Variants in SGCZ observed in about 807,000 individuals in gnomAD.
The protein encoded by SGCZ is sarcoglycan zeta, also known as zeta-sarcoglycan.
Under a neutral mutation model 41.3 loss-of-function variants are expected in SGCZ, and 40 were observed. The observed-to-expected ratio is 0.97, with a 90% confidence interval of 0.75 to 1.26. The LOEUF (loss-of-function observed/expected upper bound fraction) is 1.26, where lower values mean the gene tolerates loss of function less well. SGCZ is among the 50% of genes most tolerant of loss of function. The pLI is 0.00. For synonymous variants in SGCZ, 206 were observed against 137.5 expected (o/e 1.50, Z -3.49); for missense variants, 552 against 369.8 (o/e 1.49, Z -4.04).
chr8:14,777,526 G>T (rs1800444747), intron 1 of SGCZ, among the ~76,000 whole-genome samples: 1 of 152,082 alleles, frequency 6.6e-6, no homozygotes, highest in Non-Finnish European at 1.5e-5. Context: ...TCCAATCACA[G>T]ACTGTATATT....
chr8:14,331,139 T>G (rs1802305324), intron 2 of SGCZ, among the ~76,000 whole-genome samples: 1 of 151,850 alleles, frequency 6.6e-6, no homozygotes. Context: ...ACTTGGAGTT[T>G]GGTATGACAA....
chr8:14,701,990 C>T (rs1809152896), intron 1 of SGCZ, among the ~76,000 whole-genome samples: 1 of 151,918 alleles, frequency 6.6e-6, no homozygotes, highest in African/African-American at 2.4e-5. Context: ...TCTTAAAGGT[C>T]ACGCTCAAAC....
At chr8:14,453,743 G>C (rs1358484178) in intron 2 of SGCZ, among the ~76,000 whole-genome samples, 1 of 152,194 alleles carries the variant, frequency 6.6e-6, no homozygotes, top group African/African-American at 2.4e-5. Context: ...CTTTAACAAT[G>C]TTCAGAAATG....
intron 1 of SGCZ, among the ~76,000 whole-genome samples, chr8:14,662,665 A>C (rs1410058390): frequency 6.6e-6 from 1 of 152,186 alleles, no homozygotes; most frequent in South Asian, 2.1e-4. Context: ...TGAATTTATT[A>C]CATTAGAGGA....
intron 7 of SGCZ, among the ~76,000 whole-genome samples, chr8:14,095,531 T>C (rs1331881188): frequency 6.6e-6 from 1 of 152,216 alleles, no homozygotes; most frequent in Non-Finnish European, 1.5e-5. Flanking sequence ...TGAAGACATG[T>C]AGCATGATGC....
intron 1 of SGCZ, among the ~76,000 whole-genome samples, chr8:14,637,420 G>C (rs781780703): frequency 1.3e-5 from 2 of 151,544 alleles, no homozygotes; most frequent in South Asian, 4.2e-4. Flanking sequence ...CCATCACTCA[G>C]ATAATGAACA....
chr8:14,146,890 A>AAAAAAAAAAAAAAAAAAATAATAAT (rs1182329393), intron 5 of SGCZ, among the ~76,000 whole-genome samples: 1 of 116,266 alleles, frequency 8.6e-6, no homozygotes, highest in African/African-American at 3.6e-5. Flanking sequence ...AAAATAAAAA[A>AAAAAAAAAAAAAAAAAAATAATAAT]AATAATAATA....
chr8:14,191,965 C>T (rs1805117550), intron 4 of SGCZ, among the ~76,000 whole-genome samples: 1 of 151,930 alleles, frequency 6.6e-6, no homozygotes, highest in Admixed American at 6.6e-5. Context: ...TATAGGAAAG[C>T]TCAAAGAAGA....
At position 14,419,928 on chromosome 8, in the gene SGCZ, C is replaced by T. The variant is rs939979239; in HGVS notation, c.235-95724G>A. The stretch of plus-strand genomic sequence containing the variant: ...GAAAGCATGTACCTTTTTCATCCCC[C>T]ATGTCATTACAGAACAATGGTTTAT... On this transcript the variant is annotated intron_variant, in intron 2 of 7. Coordinates refer to ENST00000382080, the MANE Select transcript of SGCZ (RefSeq NM_139167.4). 5.9e-5 allele frequency among the ~76,000 whole-genome samples: 9 copies of T among 152,026 alleles called. No homozygotes were observed. In the East Asian group the frequency reaches 1.5e-3, roughly 26 times the overall value.
chr8:14,146,226 C>T (rs1429502805), intron 5 of SGCZ, among the ~76,000 whole-genome samples: 1 of 152,124 alleles, frequency 6.6e-6, no homozygotes, highest in African/African-American at 2.4e-5. Context: ...AGAGCTCCAA[C>T]AGGTCTGGCA....
chr8:15,109,208 C>A (rs1278996558), intron 1 of SGCZ, among the ~76,000 whole-genome samples: 1 of 152,152 alleles, frequency 6.6e-6, no homozygotes, highest in African/African-American at 2.4e-5. Context: ...GCAAAGAAGA[C>A]AATGCCTTCT....
chr8:14,301,279 T>A (rs1329528630), intron 3 of SGCZ, among the ~76,000 whole-genome samples: 1 of 152,056 alleles, frequency 6.6e-6, no homozygotes, highest in Non-Finnish European at 1.5e-5. Context: ...TAGAATCTCC[T>A]CTTCTTCATG....
intron 5 of SGCZ, among the ~76,000 whole-genome samples, chr8:14,133,816 T>A (rs1461427279): frequency 6.6e-6 from 1 of 152,208 alleles, no homozygotes; most frequent in Non-Finnish European, 1.5e-5. Context: ...TTCGCTCATA[T>A]TAACCTCAAC....
chr8:14,440,231 CA>C (rs1800209230), intron 2 of SGCZ, among the ~76,000 whole-genome samples: 2 of 151,806 alleles, frequency 1.3e-5, no homozygotes. Context: ...ATTTTTCTAT[CA>C]AAAGATATAA....
chr8:14,102,297 A>C, intron 7 of SGCZ, 79 bp downstream of exon 7: 1 of 1,280,996 alleles, frequency 7.8e-7, no homozygotes, highest in Admixed American at 3.0e-5. Flanking sequence ...TTCACAAGTC[A>C]ATTATAAATA....
chr8:14,409,019 C>A (rs1221888991), intron 2 of SGCZ, among the ~76,000 whole-genome samples: 1 of 148,748 alleles, frequency 6.7e-6, no homozygotes, highest in Admixed American at 6.8e-5. Flanking sequence ...GCCTCATTAA[C>A]TAGGTTTTCA....
chr8:14,441,770 T>C (rs78953973), intron 2 of SGCZ, among the ~76,000 whole-genome samples: 1 of 152,122 alleles, frequency 6.6e-6, no homozygotes. Flanking sequence ...TCATTTTGCT[T>C]AACTCAAGTG....
At chr8:14,211,082 C>T (rs868484272) in intron 4 of SGCZ, among the ~76,000 whole-genome samples, 87 of 152,186 alleles carry the variant, frequency 5.7e-4, no homozygotes, top group African/African-American at 2.0e-3. Flanking sequence ...TCTTTCATCT[C>T]TAAATCCATG....
At chr8:14,796,127 A>G (rs928325687) in intron 1 of SGCZ, among the ~76,000 whole-genome samples, 1 of 152,214 alleles carries the variant, frequency 6.6e-6, no homozygotes, top group Admixed American at 6.5e-5. Flanking sequence ...TAGTTCTGCA[A>G]TGAGCATATC....
Sources: allele counts gnomAD v4.1 joint callset (sites outside exome capture counted in the v4.1 genomes callset), GRCh38; gene constraint gnomAD v4.1.1; transcripts MANE v1.5; gene names NCBI Gene and HGNC (gene_info 2026-07-23, HGNC 2026-07-21).